COG3: variants seen among roughly 807,000 people sequenced by gnomAD.
The protein encoded by COG3 is conserved oligomeric Golgi complex subunit 3.
Under a neutral mutation model 114.1 loss-of-function variants are expected in COG3, and 32 were observed. That is an observed-to-expected ratio of 0.28 (90% CI 0.21 to 0.38). The LOEUF is 0.38. Among genes scored for constraint, COG3 ranks in the 10% least tolerant of loss-of-function variants. COG3 has a pLI of 1.00. For synonymous variants in COG3, 352 were observed against 365.7 expected (o/e 0.96, Z 0.43); for missense variants, 813 against 973.2 (o/e 0.84, Z 2.19).
At chr13:45,484,580 A>G (rs1179703729) in intron 7 of COG3, among the ~76,000 whole-genome samples, 5 of 4,724 alleles carry the variant, frequency 1.1e-3, no homozygotes, top group Non-Finnish European at 1.3e-3. Flanking sequence ...AAGCTTGCTT[A>G]TTTATTTATT....
chr13:45,531,533 A>G (rs902680030), intron 22 of COG3, among the ~76,000 whole-genome samples: 1 of 151,948 alleles, frequency 6.6e-6, no homozygotes, highest in African/African-American at 2.4e-5. Context: ...TTGTTTTGAA[A>G]TGGAGTCTTT....
At chr13:45,534,451 A>T (rs1873417547) in intron 22 of COG3, 2 of 361,848 alleles carry the variant, frequency 5.5e-6, no homozygotes, top group Non-Finnish European at 9.9e-6. Flanking sequence ...GGTCTCATAA[A>T]AATCTTGGTC....
rs142027095 is a variant in COG3 at position 45,476,339 on chromosome 13, G to A, written c.313G>A (p.Ala105Thr). ...AATGGAAGAAGAAAGAATTGAAACC[G>A]CACAGCAGGTGAATTGCAGTATCTT... The part of the protein sequence containing the change: ...LGMEEERIET[A>T]QQFFSWFAKL... Residue 105 changes from alanine (A) to threonine (T), a missense_variant, in exon 2 of 23, where the codon GCA becomes ACA. Coordinates refer to ENST00000349995, the MANE Select transcript of COG3 (RefSeq NM_031431.4). The A allele has an allele frequency of 9.2e-5, 149 of 1,612,636 alleles. No homozygotes were observed. The African/African-American group carries it at 1.6e-3, about 17-fold the overall frequency.
intron 5 of COG3, among the ~76,000 whole-genome samples, chr13:45,482,176 C>G (rs1490465261): frequency 2.0e-5 from 3 of 152,110 alleles, no homozygotes; most frequent in African/African-American, 7.2e-5. Context: ...TAGGAATAAA[C>G]TGAATTAAAT....
rs763098513 is a variant in COG3 at position 45,536,063 on chromosome 13, T to A, written c.*1332T>A. 19 of 163,674 alleles carry A rather than the reference T, an allele frequency of 1.2e-4. No homozygotes were observed. Among genetic ancestry groups the A allele is most frequent in the Non-Finnish European group, 1.8e-4 (14 of 77,418 alleles). The allele number at this position is 163,674 out of a possible 1,614,324, so 10.1% of individuals were successfully genotyped here. A position where few individuals can be genotyped will look rare whatever the true frequency, so the allele number is the denominator to read the frequency against. On this transcript the variant is annotated 3_prime_UTR_variant, in exon 23 of 23. Transcript: ENST00000349995. Reference sequence around the variant, plus strand: ...TTGTAACAGGTCACTTCCTTTTCACTCAGTTTAAATTGGTGATGGACGTTG... The same window carrying A: ...TTGTAACAGGTCACTTCCTTTTCACACAGTTTAAATTGGTGATGGACGTTG...
intron 14 of COG3, among the ~76,000 whole-genome samples, chr13:45,508,386 T>TATATATA (rs56349646): frequency 1.6e-4 from 18 of 109,690 alleles, no homozygotes; most frequent in East Asian, 1.3e-3. Flanking sequence ...ATATATATTT[T>TATATATA]TATATATATA....
intron 4 of COG3, among the ~76,000 whole-genome samples, chr13:45,480,513 C>A (rs924492899): frequency 6.6e-6 from 1 of 152,178 alleles, no homozygotes; most frequent in African/African-American, 2.4e-5. Flanking sequence ...GGTCTCAGTA[C>A]AATTTCCAAA....
rs780189712 is a variant in COG3 at position 45,482,462 on chromosome 13, A to G, written c.706A>G (p.Ile236Val). 6.9e-6 allele frequency: 10 copies of G among 1,453,870 alleles called. No homozygotes were observed. The highest frequency in any genetic ancestry group is 4.2e-5 in the African/African-American group (3 of 70,698). The allele number at this position is 1,453,870 out of a possible 1,614,324, so 90.1% of individuals were successfully genotyped here. Residue 236 changes from isoleucine to valine, a missense_variant, in exon 6 of 23, where the codon ATC (isoleucine) becomes GTC (valine). By Grantham distance (29) the Ile-to-Val change is conservative (BLOSUM62 3). This residue lies in a region of COG3 where 424 missense variants were observed against 430.6 expected (regional missense o/e 0.98). Coordinates refer to ENST00000349995, the MANE Select transcript of COG3 (RefSeq NM_031431.4). ...LAKLDDCITY[I>V]SSHPNFKDYP... ...CAAGTTAGATGATTGTATAACATATATCTCATCTCATGTAAGTCAGAGTAT... is the reference window on the plus strand; with the variant it reads ...CAAGTTAGATGATTGTATAACATATGTCTCATCTCATGTAAGTCAGAGTAT...
chr13:45,511,605 G>T (rs1460959428), intron 15 of COG3, among the ~76,000 whole-genome samples, 160 bp from the exon 16 acceptor site: 2 of 152,214 alleles, frequency 1.3e-5, no homozygotes, highest in Non-Finnish European at 2.9e-5. Context: ...GTTTAGAAAG[G>T]TTGCATGGGA....
chr13:45,504,441 C>T (rs1869898792), intron 14 of COG3, among the ~76,000 whole-genome samples: 1 of 152,180 alleles, frequency 6.6e-6, no homozygotes, highest in Non-Finnish European at 1.5e-5. Flanking sequence ...TCTGTCTTGC[C>T]AACCCCGGAC....
At chr13:45,480,365 T>C in intron 4 of COG3, 75 bp downstream of exon 4, 1 of 1,047,846 alleles carries the variant, frequency 9.5e-7, no homozygotes, top group Non-Finnish European at 1.3e-6. Flanking sequence ...TTTATTTTAA[T>C]TTTCTTAATT....
chr13:45,465,274 C>T, intron 1 of COG3, 64 bp downstream of exon 1: 6 of 1,575,988 alleles, frequency 3.8e-6, no homozygotes, highest in Non-Finnish European at 5.2e-6. Flanking sequence ...GGCGCCCCGG[C>T]AGGACCCCGG....
chr13:45,512,789 A>G (rs1871013535), intron 16 of COG3, among the ~76,000 whole-genome samples: 1 of 151,694 alleles, frequency 6.6e-6, no homozygotes, highest in Non-Finnish European at 1.5e-5. Context: ...TAAATTTTTT[A>G]TTTTTTGTAG....
At chr13:45,480,079 TG>T (rs1566244155) in intron 3 of COG3, 45 bp from the exon 4 acceptor site, 2 of 1,506,216 alleles carry the variant, frequency 1.3e-6, no homozygotes, top group Non-Finnish European at 1.8e-6. Context: ...CTGTGCTTAT[TG>T]GGGGAAAAGA....
intron 19 of COG3, among the ~76,000 whole-genome samples, chr13:45,519,631 A>T (rs116413042): frequency 1.3e-3 from 199 of 152,328 alleles, no homozygotes; most frequent in African/African-American, 4.2e-3. Context: ...TCTTCCTGGA[A>T]ACTGTGACTT....
At chr13:45,506,043 C>G (rs959026144) in intron 14 of COG3, among the ~76,000 whole-genome samples, 3 of 148,228 alleles carry the variant, frequency 2.0e-5, no homozygotes, top group African/African-American at 7.5e-5. Context: ...AGTGTAGGCT[C>G]ATGCCATCAC....
At chr13:45,497,123 G>A (rs1819958508) in intron 13 of COG3, among the ~76,000 whole-genome samples, 1 of 152,196 alleles carries the variant, frequency 6.6e-6, no homozygotes, top group Admixed American at 6.5e-5. Context: ...CCAGGTTGAT[G>A]GTGATGATGT....
chr13:45,467,677 A>G (rs914589329), intron 1 of COG3, among the ~76,000 whole-genome samples: 2 of 152,240 alleles, frequency 1.3e-5, no homozygotes, highest in South Asian at 4.1e-4. Flanking sequence ...TCAGCTTTAC[A>G]GCCCTCATTT....
At chr13:45,481,009 T>G (rs1886216174) in intron 4 of COG3, among the ~76,000 whole-genome samples, 1 of 152,248 alleles carries the variant, frequency 6.6e-6, no homozygotes, top group Non-Finnish European at 1.5e-5. Flanking sequence ...TTGTGTATTT[T>G]AAAAATGCGA....
Sources: allele counts gnomAD v4.1 joint callset (sites outside exome capture counted in the v4.1 genomes callset), GRCh38; gene constraint gnomAD v4.1.1; regional missense constraint gnomAD v4.1.1; transcripts MANE v1.5; gene names NCBI Gene and HGNC (gene_info 2026-07-23, HGNC 2026-07-21).